The following LRP1B variants were observed in gnomAD, a reference collection of about 807,000 sequenced individuals.
LRP1B encodes the protein low-density lipoprotein receptor-related protein 1B.
A neutral mutation model predicts 556.6 loss-of-function variants in LRP1B; 217 were observed. The observed-to-expected ratio is 0.39, with a 90% CI of 0.35 to 0.44. LRP1B has a LOEUF of 0.44. Among genes scored for constraint, LRP1B ranks in the 20% least tolerant of loss-of-function variants. LRP1B has a pLI of 1.00. For missense variants in LRP1B, 5,053 were observed against 5,620.8 expected, an observed-to-expected ratio of 0.90 and a Z score of 3.23; for synonymous variants, 2,047 against 1,865.8, an observed-to-expected ratio of 1.10 and a Z score of -2.50.
chr2:141,118,916 G>A (rs1700973325), intron 7 of LRP1B, among the ~76,000 whole-genome samples: 1 of 151,682 alleles, frequency 6.6e-6, no homozygotes, highest in Non-Finnish European at 1.5e-5. Flanking sequence ...ATACAGCAAT[G>A]TCATTCAAGA....
chr2:140,828,178 G>T (rs1691575166), intron 31 of LRP1B, among the ~76,000 whole-genome samples: 3 of 151,866 alleles, frequency 2.0e-5, no homozygotes, highest in Admixed American at 2.0e-4. Flanking sequence ...AACAATTGAA[G>T]GTCTAAAACT....
chr2:141,639,302 GTGTATATATATATATATATATA>G (rs1178813316), intron 2 of LRP1B, among the ~76,000 whole-genome samples: 1,807 of 33,020 alleles, frequency 0.055, 80 homozygotes, highest in African/African-American at 0.13. Context: ...CGCATCATGT[GTGTATATATATATATATATATA>G]TATATATATA....
intron 3 of LRP1B, among the ~76,000 whole-genome samples, chr2:141,364,425 CACAT>C (rs536765830): frequency 0.057 from 8,622 of 151,910 alleles, 304 homozygotes; most frequent in African/African-American, 0.094. Context: ...CACACACACA[CACAT>C]ATATATATTT....
At chr2:140,731,739 G>T (rs903229399) in intron 35 of LRP1B, among the ~76,000 whole-genome samples, 2 of 117,516 alleles carry the variant, frequency 1.7e-5, no homozygotes, top group Admixed American at 2.4e-4. Context: ...CTGCACTCCA[G>T]CCTGGCAACA....
chr2:141,206,032 T>A (rs1338798569), intron 6 of LRP1B, among the ~76,000 whole-genome samples: 1 of 151,306 alleles, frequency 6.6e-6, no homozygotes, highest in Admixed American at 6.6e-5. Context: ...AATATGGGAG[T>A]CTTTTAAGTG....
intron 25 of LRP1B, 125 bp downstream of exon 25, chr2:140,883,692 C>G: frequency 4.7e-6 from 3 of 641,318 alleles, no homozygotes; most frequent in Non-Finnish European, 7.5e-6. Context: ...CCCCGCCACA[C>G]ACACACATAC....
At chr2:141,683,897 T>C (rs752592062) in intron 2 of LRP1B, among the ~76,000 whole-genome samples, 1 of 151,990 alleles carries the variant, frequency 6.6e-6, no homozygotes, top group Non-Finnish European at 1.5e-5. Flanking sequence ...TGACATACCA[T>C]CTCATGCTAG....
rs149878134 is a variant in LRP1B, at chr2:141,411,585, A to G, written c.343+68811T>C. On this transcript the variant is annotated intron_variant, in intron 3 of 90. Transcript: ENST00000389484. ...ATAGATGAAAAATGAAACTTCAGCT[A>G]CTTTTAAACATTTACAGATGTTCTG... is the stretch of plus-strand genomic sequence containing the variant. 2.2e-4 allele frequency among the ~76,000 whole-genome samples: 33 copies of G among 152,244 alleles called. No homozygotes were observed. In the East Asian group the frequency reaches 6.2e-3, roughly 29 times the overall value.
intron 1 of LRP1B, among the ~76,000 whole-genome samples, chr2:142,124,293 G>A (rs2105017224): frequency 6.6e-6 from 1 of 151,902 alleles, no homozygotes; most frequent in Admixed American, 6.6e-5. Context: ...TGAAGTAATA[G>A]GGAATAAGAT....
At chr2:140,434,931 A>C (rs1464631841) in intron 66 of LRP1B, among the ~76,000 whole-genome samples, 3 of 152,166 alleles carry the variant, frequency 2.0e-5, no homozygotes, top group African/African-American at 4.8e-5. Context: ...AGGGGTAAAA[A>C]AATATATTTT....
chr2:140,506,747 AAGACT>A, intron 53 of LRP1B, 44 bp downstream of exon 53: 1 of 1,567,710 alleles, frequency 6.4e-7, no homozygotes, highest in East Asian at 2.3e-5. Context: ...CTAGTTTTGA[AAGACT>A]CTTAGCCTAG....
chr2:140,816,353 T>C (rs1691124614), intron 31 of LRP1B, among the ~76,000 whole-genome samples: 1 of 151,978 alleles, frequency 6.6e-6, no homozygotes, highest in Non-Finnish European at 1.5e-5. Flanking sequence ...CTTGACCTCA[T>C]GATCCACCTG....
chr2:141,067,966 A>C (rs1699524843), intron 7 of LRP1B, among the ~76,000 whole-genome samples: 1 of 152,000 alleles, frequency 6.6e-6, no homozygotes, highest in Admixed American at 6.6e-5. Context: ...TCCAGGCCCC[A>C]GGAAGTCCAT....
intron 32 of LRP1B, among the ~76,000 whole-genome samples, chr2:140,809,629 T>C (rs1690847685): frequency 6.6e-6 from 1 of 152,200 alleles, no homozygotes; most frequent in African/African-American, 2.4e-5. Context: ...GGTAAACATA[T>C]GAATTAATAT....
rs1158370262 is a variant in LRP1B, at chr2:140,814,401, A to G, written c.5210-595T>C. On this transcript the variant is annotated intron_variant, in intron 31 of 90. Coordinates refer to ENST00000389484, the MANE Select transcript of LRP1B (RefSeq NM_018557.3). ...TGACAGCTCCATTTTACAGATACAA[A>G]AAATAGTACCTAGAGTAGATAAGAA... Among the ~76,000 whole-genome samples, 7 of 152,188 alleles carry G rather than the reference A, an allele frequency of 4.6e-5. 1 individual carries two copies.
chr2:140,668,309 CAAAAAAAAAAAAAAAAAAAAAAA>C (rs560180473), intron 41 of LRP1B, among the ~76,000 whole-genome samples: 5 of 59,672 alleles, frequency 8.4e-5, no homozygotes, highest in South Asian at 8.5e-4. Context: ...GACTCCGTCT[CAAAAAAAAAAAAAAAAAAAAAAA>C]AAAAAAAAAA....
At chr2:141,334,145 A>G (rs2105500809) in intron 3 of LRP1B, among the ~76,000 whole-genome samples, 1 of 152,338 alleles carries the variant, frequency 6.6e-6, no homozygotes, top group Non-Finnish European at 1.5e-5. Context: ...AACATACATG[A>G]TTACTGAATG....
rs561912227 is a variant in LRP1B, at chr2:141,012,348, C to A, written c.2380+1208G>T. On this transcript the variant is annotated intron_variant, in intron 14 of 90. Transcript: ENST00000389484. ...TTGTGAAGTTAGAGAGAACTACAATCCTGAAAAGCAGATCTTTCAGAATAT... is the reference window on the plus strand; with the variant it reads ...TTGTGAAGTTAGAGAGAACTACAATACTGAAAAGCAGATCTTTCAGAATAT... Among the ~76,000 whole-genome samples the A allele has an allele frequency of 4.6e-5, 7 of 152,072 alleles. No homozygotes were observed. In the East Asian group the frequency reaches 1.4e-3, roughly 29 times the overall value.
At chr2:141,755,924 C>T (rs1332275048) in intron 2 of LRP1B, among the ~76,000 whole-genome samples, 1 of 152,004 alleles carries the variant, frequency 6.6e-6, no homozygotes, top group African/African-American at 2.4e-5. Context: ...ACAGCATATA[C>T]TCTACCATTA....
Sources: allele counts gnomAD v4.1 joint callset (sites outside exome capture counted in the v4.1 genomes callset), GRCh38; gene constraint gnomAD v4.1.1; transcripts MANE v1.5; gene names NCBI Gene and HGNC (gene_info 2026-07-23, HGNC 2026-07-21).